The following TUT7 variants were observed in gnomAD, a reference collection of about 807,000 sequenced individuals.
TUT7 encodes terminal uridylyl transferase 7.
TUT7 carries 33 observed loss-of-function variants against 165.9 expected under a neutral mutation model. The ratio of observed to expected loss-of-function variants is 0.20; its 90% confidence interval spans 0.15 to 0.27. The LOEUF (loss-of-function observed/expected upper bound fraction) is 0.27, where lower values mean the gene tolerates loss of function less well. Ranked by LOEUF, TUT7 falls within the 10% of genes least tolerant of loss-of-function variation. The probability of loss-of-function intolerance (pLI) is 1.00; values close to 1 mark genes in which losing one functional copy is unlikely to be tolerated. For missense variants in TUT7, 1,338 were observed against 1,762.3 expected (o/e 0.76, Z 4.31); for synonymous variants, 552 against 608.1 (o/e 0.91, Z 1.36).
chr9:86,322,186 C>T (rs769356515), intron 14 of TUT7, 139 bp downstream of exon 14: 18 of 691,418 alleles, frequency 2.6e-5, no homozygotes, highest in Admixed American at 1.2e-4. Context: ...TGACATGGAA[C>T]GCTTGAGGAT....
chr9:86,307,948 A>G (rs542535364), intron 22 of TUT7, among the ~76,000 whole-genome samples: 4 of 152,152 alleles, frequency 2.6e-5, no homozygotes, highest in South Asian at 2.1e-4. Context: ...GAGCCGAGAT[A>G]GCGCTACTGC....
At chr9:86,319,470 T>A in intron 15 of TUT7, 114 bp downstream of exon 15, 1 of 736,114 alleles carries the variant, frequency 1.4e-6, no homozygotes. Flanking sequence ...ATCCTGGGTA[T>A]ATTGCAAAAC....
rs368634596 is a variant in TUT7, at chr9:86,346,332, T to C, written c.669A>G (p.Arg223=). 3 of 1,613,916 alleles carry C rather than the reference T, an allele frequency of 1.9e-6. No homozygotes were observed. In the African/African-American group the frequency reaches 4.0e-5, roughly 22 times the overall value. Residue 223 remains arginine, a synonymous_variant, in exon 3 of 27, where the codon AGA becomes AGG. Coordinates refer to ENST00000375963, the MANE Select transcript of TUT7 (RefSeq NM_024617.4). ...ELLGLQQAEE[R]LKRDCIDRLK... is the part of the protein sequence containing the mutation. ...GCCTGTCAATGCAGTCTCTCTTCAG[T>C]CTCTCCTCAGCCTGCTGTAAGCCTA...
In TUT7 at chr9:86,288,413, T is replaced by C. The variant is rs973034101; in HGVS notation, c.*264A>G. On this transcript the variant is annotated 3_prime_UTR_variant, in exon 27 of 27. Transcript: ENST00000375963. Reference sequence around the variant, plus strand: ...TTCACTGAATACCGGTCCATAGTTATATTTTTTCTTTTAACGTGGCTTAAA... The same window carrying C: ...TTCACTGAATACCGGTCCATAGTTACATTTTTTCTTTTAACGTGGCTTAAA... The C allele has an allele frequency of 3.9e-6, 1 of 253,332 alleles. No individual in the cohort carries two copies. Among genetic ancestry groups the C allele is most frequent in the Admixed American group, 5.1e-5 (1 of 19,708 alleles). The allele number at this position is 253,332 out of a possible 1,614,324, so 15.7% of individuals were successfully genotyped here.
At chr9:86,289,738 A>G (rs185793315) in intron 26 of TUT7, among the ~76,000 whole-genome samples, 36 of 152,240 alleles carry the variant, frequency 2.4e-4, no homozygotes, top group Non-Finnish European at 4.3e-4. Context: ...AAAAAATTCT[A>G]TATCAGGGGT....
In TUT7 at chr9:86,309,280, C is replaced by T; in HGVS notation, c.3592G>A (p.Gly1198Ser). The change falls in exon 21 of 27, where the codon GGT (glycine) becomes AGT (serine). Residue 1198 changes from glycine (G) to serine (S), a missense_variant. Gly to Ser is a moderately conservative substitution (Grantham distance 56, BLOSUM62 0). This residue lies in a region of TUT7 where 157 missense variants were observed against 357.5 expected (regional missense o/e 0.44). Transcript: ENST00000375963. ...ACAAATATTTCAGGTTTCTTTTCAC[C>T]TTTGTATATCTGAAATTAATTTTTA... is the stretch of plus-strand genomic sequence containing the variant. ...VIPVLQEIYK[G>S]EKKPEIFVDG... 1 of 1,551,552 alleles carries T rather than the reference C, an allele frequency of 6.4e-7. No homozygotes were observed. The highest frequency in any genetic ancestry group is 1.1e-5 in the South Asian group (1 of 88,050).
chr9:86,310,846 C>T, intron 17 of TUT7, 37 bp from the exon 18 acceptor site: 2 of 1,190,632 alleles, frequency 1.7e-6, no homozygotes, highest in Admixed American at 1.7e-5. Context: ...TTAAATACAG[C>T]AGCTGGGGAT....
chr9:86,349,957 A>C (rs1832126861), intron 2 of TUT7, among the ~76,000 whole-genome samples: 1 of 152,228 alleles, frequency 6.6e-6, no homozygotes, highest in Non-Finnish European at 1.5e-5. Flanking sequence ...AAAATAAGAA[A>C]ACATATAAAA....
At chr9:86,303,334 T>TAA (rs1827127315) in intron 24 of TUT7, 133 bp from the exon 25 acceptor site, 1 of 501,252 alleles carries the variant, frequency 2.0e-6, no homozygotes, top group Non-Finnish European at 3.5e-6. Context: ...TTATTTATAC[T>TAA]GCTTAATTCC....
Position 86,303,169 on chromosome 9 carries a change from T to C in TUT7, c.4011A>G (p.Glu1337=). Residue 1337 remains glutamate, a synonymous_variant, in exon 25 of 27, where the codon GAA becomes GAG. Coordinates refer to ENST00000375963, the MANE Select transcript of TUT7 (RefSeq NM_024617.4). ...EYFFDPDVLT[E]GELAPNDRCC... The stretch of plus-strand genomic sequence containing the variant: ...ATCTATCATTTGGGGCCAGCTCTCC[T>C]TCAGTTAACACATCTGGATCAAAAA... 1 of 1,609,444 alleles carries C rather than the reference T, an allele frequency of 6.2e-7. No individual in the cohort carries two copies.
chr9:86,344,749 T>C, intron 5 of TUT7: 1 of 499,838 alleles, frequency 2.0e-6, no homozygotes, highest in Non-Finnish European at 3.5e-6. Flanking sequence ...AACTTAAAGT[T>C]CACACACAGG....
At chr9:86,290,092 C>G (rs76099580) in intron 26 of TUT7, among the ~76,000 whole-genome samples, 2,054 of 152,116 alleles carry the variant, frequency 0.014, 43 homozygotes, top group African/African-American at 0.047. Flanking sequence ...AATACCTGCC[C>G]CCTTGAAGTT....
intron 6 of TUT7, among the ~76,000 whole-genome samples, chr9:86,342,264 T>C (rs1384615211): frequency 1.3e-5 from 2 of 152,128 alleles, no homozygotes; most frequent in Non-Finnish European, 2.9e-5. Context: ...TAGCTGGGAT[T>C]AGAGGGTGAA....
chr9:86,346,195 C>T, intron 3 of TUT7, 104 bp downstream of exon 3: 1 of 1,126,748 alleles, frequency 8.9e-7, no homozygotes, highest in Non-Finnish European at 1.3e-6. Context: ...TACTGATAAC[C>T]AAAGTAGGAT....
At position 86,346,377 on chromosome 9, in the gene TUT7, T is replaced by C. The variant is rs758228062; in HGVS notation, c.624A>G (p.Val208=). The C allele has an allele frequency of 1.2e-6, 2 of 1,614,010 alleles. No individual in the cohort carries two copies. Among genetic ancestry groups the C allele is most frequent in the Admixed American group, 1.7e-5 (1 of 59,998 alleles). ...DLEGPVIDES[V]LSTKELLGLQ... The stretch of plus-strand genomic sequence containing the variant: ...AGCCTAGCAGCTCCTTCGTTGAAAG[T>C]ACAGACTCATCGATCACAGGGCCTT... Residue 208 remains valine (V), a synonymous_variant, in exon 3 of 27, where the codon GTA becomes GTG. Coordinates refer to ENST00000375963, the MANE Select transcript of TUT7 (RefSeq NM_024617.4).
At chr9:86,339,885 C>T (rs1331550448) in intron 8 of TUT7, 151 bp downstream of exon 8, 2 of 527,462 alleles carry the variant, frequency 3.8e-6, no homozygotes, top group Admixed American at 6.3e-5. Context: ...ACATCAAATG[C>T]CAAAAGTATA....
At chr9:86,350,507 T>C (rs1403851377) in intron 2 of TUT7, among the ~76,000 whole-genome samples, 2 of 152,204 alleles carry the variant, frequency 1.3e-5, no homozygotes, top group African/African-American at 4.8e-5. Context: ...TATCAAGAAA[T>C]ATTCGGCTCC....
intron 10 of TUT7, among the ~76,000 whole-genome samples, chr9:86,336,357 C>T (rs894919633): frequency 6.6e-6 from 1 of 152,130 alleles, no homozygotes; most frequent in African/African-American, 2.4e-5. Context: ...GGTAGAGATA[C>T]CCTCTCATGG....
At chr9:86,340,867 A>T (rs1161329935) in intron 7 of TUT7, 135 bp downstream of exon 7, 1 of 640,240 alleles carries the variant, frequency 1.6e-6, no homozygotes, top group Non-Finnish European at 2.7e-6. Context: ...TTAATAATTC[A>T]TGGGCATTTG....
Sources: allele counts gnomAD v4.1 joint callset (sites outside exome capture counted in the v4.1 genomes callset), GRCh38; gene constraint gnomAD v4.1.1; regional missense constraint gnomAD v4.1.1; transcripts MANE v1.5; gene names NCBI Gene and HGNC (gene_info 2026-07-23, HGNC 2026-07-21).